TM4SF4: variants seen among roughly 807,000 people sequenced by gnomAD.
TM4SF4 encodes transmembrane 4 L6 family member 4.
In TM4SF4, 24 loss-of-function variants were observed where a neutral mutation model predicts 24.1. The ratio of observed to expected loss-of-function variants is 1.00; its 90% CI spans 0.72 to 1.40. The LOEUF is 1.40. Ranked by LOEUF, TM4SF4 falls within the 40% of genes most tolerant of loss-of-function variation. The pLI is 0.00. For missense variants in TM4SF4, 254 were observed against 254.2 expected (o/e 1.00, Z 0.01); for synonymous variants, 113 against 97.0 (o/e 1.17, Z -0.97).
At chr3:149,498,081 A>T (rs1312840741) in intron 3 of TM4SF4, among the ~76,000 whole-genome samples, 1 of 152,230 alleles carries the variant, frequency 6.6e-6, no homozygotes, top group Admixed American at 6.5e-5. Context: ...AATTAATTAC[A>T]TCTTTGTGTG....
At chr3:149,495,149 TCATTAAGAAAGTCAGCTCTTA>T (rs1382251822) in intron 3 of TM4SF4, 2 of 231,430 alleles carry the variant, frequency 8.6e-6, no homozygotes, top group Non-Finnish European at 1.8e-5. Flanking sequence ...CATGAGAAAA[TCATTAAGAAAGTCAGCTCTTA>T]CATTAAGAAA....
At chr3:149,492,625 C>T (rs1343777187) in intron 3 of TM4SF4, among the ~76,000 whole-genome samples, 1 of 152,062 alleles carries the variant, frequency 6.6e-6, no homozygotes, top group African/African-American at 2.4e-5. Context: ...CGGGGCTATG[C>T]ATGGCACTCC....
chr3:149,477,027 C>T (rs369926837), intron 2 of TM4SF4, among the ~76,000 whole-genome samples: 34 of 151,882 alleles, frequency 2.2e-4, no homozygotes, highest in South Asian at 6.2e-4. Context: ...CTCAAACTCC[C>T]GGACTCAAGC....
intron 3 of TM4SF4, among the ~76,000 whole-genome samples, chr3:149,491,959 G>T (rs758294336): frequency 2.6e-5 from 4 of 152,176 alleles, no homozygotes; most frequent in Non-Finnish European, 5.9e-5. Flanking sequence ...CTGAGAGGCA[G>T]CCAGACCTTC....
At chr3:149,498,609 A>C in intron 3 of TM4SF4, 113 bp from the exon 4 acceptor site, 1 of 890,250 alleles carries the variant, frequency 1.1e-6, no homozygotes, top group South Asian at 1.6e-5. Context: ...TTTCTCGTGA[A>C]GCTAGTTTTG....
chr3:149,495,191 A>G (rs758754335), intron 3 of TM4SF4: 18 of 194,762 alleles, frequency 9.2e-5, no homozygotes, highest in Non-Finnish European at 1.8e-4. Context: ...ATTGGCTACA[A>G]CCCCAGCACA....
chr3:149,498,635 A>T (rs1734357969), intron 3 of TM4SF4, 87 bp from the exon 4 acceptor site: 1 of 1,216,580 alleles, frequency 8.2e-7, no homozygotes, highest in African/African-American at 1.5e-5. Flanking sequence ...AAAGTAGTGC[A>T]TGAGAAACAT....
intron 3 of TM4SF4, among the ~76,000 whole-genome samples, chr3:149,492,037 A>G (rs2107873077): frequency 6.6e-6 from 1 of 152,300 alleles, no homozygotes; most frequent in Admixed American, 6.5e-5. Flanking sequence ...TTTTAGAGGC[A>G]TGATGGTTCT....
chr3:149,496,484 A>G (rs67142611), intron 3 of TM4SF4, among the ~76,000 whole-genome samples: 13,018 of 152,262 alleles, frequency 0.085, 1,097 homozygotes, highest in East Asian at 0.43. Flanking sequence ...AAAAAAAAGT[A>G]CTGAAAAGAA....
At chr3:149,484,788 G>C (rs934667453) in intron 2 of TM4SF4, among the ~76,000 whole-genome samples, 3 of 152,068 alleles carry the variant, frequency 2.0e-5, no homozygotes, top group African/African-American at 7.2e-5. Context: ...TCCTGACCTC[G>C]TGATCCACCA....
At position 149,487,726 on chromosome 3, in the gene TM4SF4, T is replaced by G; in HGVS notation, c.372T>G (p.Asn124Lys). 1 of 1,614,012 alleles carries G rather than the reference T, an allele frequency of 6.2e-7. No homozygotes were observed. The highest frequency in any genetic ancestry group is 8.5e-7 in the Non-Finnish European group (1 of 1,179,884). ...AGGGTCCTAAATGCCTCATGGCCAATAGTACATGGGGCTACCCCTTCCACG... is the reference window on the plus strand; with the variant it reads ...AGGGTCCTAAATGCCTCATGGCCAAGAGTACATGGGGCTACCCCTTCCACG... ...INKGPKCLMA[N>K]STWGYPFHDG... The change falls in exon 3 of 5, where the codon AAT becomes AAG. Residue 124 changes from asparagine to lysine, a missense_variant. Asn to Lys is a moderately conservative substitution (Grantham distance 94). Coordinates refer to ENST00000305354, the MANE Select transcript of TM4SF4 (RefSeq NM_004617.4).
chr3:149,476,774 C>G (rs1415284615), intron 2 of TM4SF4, among the ~76,000 whole-genome samples: 2 of 144,928 alleles, frequency 1.4e-5, no homozygotes, highest in African/African-American at 5.1e-5. Context: ...AGACATAAGT[C>G]TTTCTTTTTT....
intron 3 of TM4SF4, among the ~76,000 whole-genome samples, chr3:149,492,008 T>A (rs142806629): frequency 6.6e-6 from 1 of 152,188 alleles, no homozygotes; most frequent in African/African-American, 2.4e-5. Flanking sequence ...AAGCAAGACA[T>A]GGCATGGCTA....
At chr3:149,497,246 AC>A (rs1734327510) in intron 3 of TM4SF4, among the ~76,000 whole-genome samples, 1 of 152,218 alleles carries the variant, frequency 6.6e-6, no homozygotes, top group Non-Finnish European at 1.5e-5. Context: ...ATACTAACTC[AC>A]ATAGTCCTGA....
intron 3 of TM4SF4, chr3:149,494,809 A>T (rs1342252557): frequency 6.5e-6 from 1 of 152,688 alleles, no homozygotes; most frequent in East Asian, 1.9e-4. Context: ...CTAAGAAGGG[A>T]AAGAGCTCTT....
chr3:149,486,862 G>A (rs1465288900), intron 2 of TM4SF4, among the ~76,000 whole-genome samples: 1 of 152,082 alleles, frequency 6.6e-6, no homozygotes, highest in Admixed American at 6.6e-5. Flanking sequence ...AATGAGGAGG[G>A]GTTCTAAACT....
chr3:149,494,188 C>G (rs1734268824), intron 3 of TM4SF4, among the ~76,000 whole-genome samples: 1 of 152,118 alleles, frequency 6.6e-6, no homozygotes, highest in Admixed American at 6.5e-5. Context: ...TTTTGCCAGA[C>G]TCTCAAAGAC....
At chr3:149,498,651 T>C (rs192888859) in intron 3 of TM4SF4, 71 bp from the exon 4 acceptor site, 41 of 1,395,764 alleles carry the variant, frequency 2.9e-5, no homozygotes, top group Middle Eastern at 1.8e-4. Flanking sequence ...AACATTGTTA[T>C]GGTAACTTTC....
chr3:149,493,407 G>C (rs1734251244), intron 3 of TM4SF4, among the ~76,000 whole-genome samples: 1 of 152,182 alleles, frequency 6.6e-6, no homozygotes, highest in Admixed American at 6.5e-5. Flanking sequence ...CACTGGATTT[G>C]GAGTCAGACA....
Sources: gnomAD v4.1 joint callset for allele counts (sites outside exome capture counted in the v4.1 genomes callset) on GRCh38, gnomAD v4.1.1 for gene constraint, MANE v1.5 for transcripts, NCBI Gene and HGNC (gene_info 2026-07-23, HGNC 2026-07-21) for gene names.